Variants in MFSD12 observed in about 807,000 individuals in gnomAD.
The protein encoded by MFSD12 is major facilitator superfamily domain containing 12.
MFSD12 carries 67 observed loss-of-function variants against 51.2 expected under a neutral mutation model. The ratio of observed to expected loss-of-function variants is 1.31; its 90% CI spans 1.08 to 1.60. The LOEUF (loss-of-function observed/expected upper bound fraction) is 1.60, where lower values mean the gene tolerates loss of function less well. Among genes scored for constraint, MFSD12 ranks in the 40% most tolerant of loss-of-function variants. The probability of loss-of-function intolerance (pLI) is 0.00; values close to 1 mark genes in which losing one functional copy is unlikely to be tolerated. For synonymous variants in MFSD12, 441 were observed against 316.7 expected (o/e 1.39, Z -4.17); for missense variants, 921 against 673.0 (o/e 1.37, Z -4.08).
intron 1 of MFSD12, among the ~76,000 whole-genome samples, chr19:3,555,790 C>A (rs1599843042): frequency 1.3e-5 from 2 of 152,234 alleles, no homozygotes; most frequent in East Asian, 3.8e-4. Context: ...CCTGGCCCTG[C>A]CTGCTGAAAT....
downstream of MFSD12, chr19:3,543,665 C>T (rs754300947): frequency 2.4e-5 from 37 of 1,540,324 alleles, no homozygotes; most frequent in Admixed American, 7.9e-5. Flanking sequence ...CAGGCCAATC[C>T]GGGGCAAGGA....
chr19:3,544,450 G>A lies in MFSD12; in HGVS notation c.*260C>T. 1 of 1,342,620 alleles carries A rather than the reference G, an allele frequency of 7.4e-7. No homozygotes were observed. The highest frequency in any genetic ancestry group is 9.5e-7 in the Non-Finnish European group (1 of 1,049,420). The allele number at this position is 1,342,620 out of a possible 1,614,324, so 83.2% of individuals were successfully genotyped here. On this transcript the variant is annotated 3_prime_UTR_variant, in exon 10 of 10. Coordinates refer to ENST00000355415, the MANE Select transcript of MFSD12 (RefSeq NM_174983.5). Reference sequence around the variant, plus strand: ...TCCTACTTCCTGTTCCCTGCCGAGAGGGGCACCCCAAATCCTCCAGAGGGC... The same window carrying A: ...TCCTACTTCCTGTTCCCTGCCGAGAAGGGCACCCCAAATCCTCCAGAGGGC...
chr19:3,546,250 C>T lies in MFSD12; in HGVS notation c.1194+5G>A, dbSNP rs753036192. ...CCCCCACCCCAGCCTGGCTACCAGCCCTACCGTGTGGGGACCGATGAGGTC... is the reference window on the plus strand; with the variant it reads ...CCCCCACCCCAGCCTGGCTACCAGCTCTACCGTGTGGGGACCGATGAGGTC... On this transcript the variant is annotated splice_donor_5th_base_variant and intron_variant, in intron 7 of 9. Transcript: ENST00000355415. 6.2e-7 allele frequency: 1 copy of T among 1,609,562 alleles called. No individual in the cohort carries two copies. The highest frequency in any genetic ancestry group is 8.5e-7 in the Non-Finnish European group (1 of 1,178,024).
intron 1 of MFSD12, 121 bp downstream of exon 1, chr19:3,556,985 C>A (rs974453523): frequency 6.9e-5 from 69 of 993,196 alleles, no homozygotes; most frequent in Non-Finnish European, 8.6e-5. Flanking sequence ...GACAGACAGA[C>A]CGAGGGGAGA....
At chr19:3,539,449 A>G, downstream of MFSD12, 4 of 579,800 alleles carry the variant, frequency 6.9e-6, no homozygotes, top group South Asian at 8.4e-5. Context: ...TGTGGGGGCT[A>G]CAGACCTGGA....
At position 3,557,242 on chromosome 19, in the gene MFSD12, G is replaced by A. The variant is rs557295170; in HGVS notation, c.162C>T (p.Ser54=). The change falls in exon 1 of 10, where the codon AGC becomes AGT. Residue 54 remains serine (S), a synonymous_variant. Coordinates refer to ENST00000355415, the MANE Select transcript of MFSD12 (RefSeq NM_174983.5). ...LLYLHSVRAY[S]SRGAGLLLLL... is the part of the protein sequence containing the mutation. The stretch of plus-strand genomic sequence containing the variant: ...GCAGCAGCAGCCCCGCGCCGCGGGA[G>A]CTGTAGGCGCGCACCGAGTGCAGGT... The A allele has an allele frequency of 5.6e-6, 9 of 1,594,094 alleles. No individual in the cohort carries two copies. Among genetic ancestry groups the A allele is most frequent in the South Asian group, 1.1e-5 (1 of 87,976 alleles).
chr19:3,551,225 C>T lies in MFSD12; in HGVS notation c.299-31G>A. On this transcript the variant is annotated intron_variant, in intron 1 of 9. Transcript: ENST00000355415. This position sits in a 1 kb window ranked among gnomAD's most constrained non-coding sequence, Gnocchi z 4.6. ...GAAGGCAGAGTGGTCAGTCGCGGGG[C>T]TGTCCCGCACCAGCCAGGGCTCCCA... is the stretch of plus-strand genomic sequence containing the variant. 3 of 1,526,432 alleles carry T rather than the reference C, an allele frequency of 2.0e-6. No homozygotes were observed. Among genetic ancestry groups the T allele is most frequent in the Non-Finnish European group, 2.7e-6 (3 of 1,129,162 alleles). The allele number at this position is 1,526,432 out of a possible 1,614,324, so 94.6% of individuals were successfully genotyped here. A position where few individuals can be genotyped will look rare whatever the true frequency, so the allele number is the denominator to read the frequency against.
intron 8 of MFSD12, among the ~76,000 whole-genome samples, chr19:3,545,630 G>T (rs17674491): frequency 6.6e-6 from 1 of 152,074 alleles, no homozygotes; most frequent in Non-Finnish European, 1.5e-5. Flanking sequence ...CACCACCCAC[G>T]CCGGTACCAA....
rs143191867 is a variant in MFSD12, at chr19:3,551,694, C to T, written c.299-500G>A. The stretch of plus-strand genomic sequence containing the variant: ...AGCACCCGCCCCCACCTGAGATCTG[C>T]GGTGGCAAGGCCTGGCTCTTCACAT... On this transcript the variant is annotated intron_variant, in intron 1 of 9. Coordinates refer to ENST00000355415, the MANE Select transcript of MFSD12 (RefSeq NM_174983.5). This position sits in a 1 kb window ranked among gnomAD's most constrained non-coding sequence, Gnocchi z 4.6. 4.5e-3 allele frequency among the ~76,000 whole-genome samples: 691 copies of T among 152,264 alleles called. 5 individuals carry two copies. Among genetic ancestry groups the T allele is most frequent in the African/African-American group, 0.016 (654 of 41,552 alleles).
intron 4 of MFSD12, chr19:3,539,193 C>G: frequency 6.4e-7 from 1 of 1,550,502 alleles, no homozygotes; most frequent in East Asian, 2.4e-5. Context: ...AACCCTCAGG[C>G]AAGAGGCTGC....
At chr19:3,554,885 G>C (rs1302733591) in intron 1 of MFSD12, among the ~76,000 whole-genome samples, 1 of 152,184 alleles carries the variant, frequency 6.6e-6, no homozygotes, top group Non-Finnish European at 1.5e-5. Context: ...CAGGCATCAA[G>C]AGCGGCTGCC....
chr19:3,543,286 G>A (rs757526976), downstream of MFSD12: 3 of 1,548,190 alleles, frequency 1.9e-6, no homozygotes, highest in Non-Finnish European at 2.6e-6. Context: ...CCATCAGGCA[G>A]GCCACACGCT....
chr19:3,546,991 C>A (rs763085638), intron 6 of MFSD12, among the ~76,000 whole-genome samples: 1 of 152,304 alleles, frequency 6.6e-6, no homozygotes, highest in East Asian at 1.9e-4. Context: ...CCGCCACCAA[C>A]GCCCGGCTAA....
chr19:3,545,936 C>G, intron 8 of MFSD12, 138 bp downstream of exon 8: 1 of 830,440 alleles, frequency 1.2e-6, no homozygotes, highest in South Asian at 1.6e-5. Context: ...AAGGTCTCCC[C>G]TGCCTATGAC....
chr19:3,539,616 G>A (rs780861554), downstream of MFSD12: 2 of 253,636 alleles, frequency 7.9e-6, no homozygotes, highest in East Asian at 7.4e-5. Context: ...CTTGCAGCCC[G>A]TGGTGGCTCT....
chr19:3,546,697 C>T (rs1352206556), intron 6 of MFSD12, among the ~76,000 whole-genome samples: 2 of 152,252 alleles, frequency 1.3e-5, no homozygotes, highest in Admixed American at 6.5e-5. Flanking sequence ...ACGGACTCGG[C>T]TCAGTCCCCA....
chr19:3,552,872 G>A (rs1312858092), intron 1 of MFSD12, among the ~76,000 whole-genome samples: 1 of 152,092 alleles, frequency 6.6e-6, no homozygotes, highest in Non-Finnish European at 1.5e-5. Flanking sequence ...TTCCAGATGG[G>A]AAAATTGAGG....
At position 3,546,178 on chromosome 19, in the gene MFSD12, C is replaced by T. The variant is rs2031020799; in HGVS notation, c.1195-10G>A. ...CGAACGCTCCGCTGTTCTGTGGAGA[C>T]ACAGGCGAGGTGGTCAGCGTGCACC... On this transcript the variant is annotated splice_polypyrimidine_tract_variant and intron_variant, in intron 7 of 9. Transcript: ENST00000355415. 1 of 1,612,362 alleles carries T rather than the reference C, an allele frequency of 6.2e-7. No homozygotes were observed. Among genetic ancestry groups the T allele is most frequent in the Non-Finnish European group, 8.5e-7 (1 of 1,179,434 alleles).
At chr19:3,556,432 G>A (rs74461332) in intron 1 of MFSD12, among the ~76,000 whole-genome samples, 8,204 of 152,308 alleles carry the variant, frequency 0.054, 663 homozygotes, top group African/African-American at 0.17. Flanking sequence ...AGGCAGACAG[G>A]GGAGGCTGGA....
Sources: gnomAD v4.1 joint callset for allele counts (sites outside exome capture counted in the v4.1 genomes callset) on GRCh38, gnomAD v4.1.1 for gene constraint, Gnocchi (gnomAD v3.1) non-coding constraint, MANE v1.5 for transcripts, NCBI Gene and HGNC (gene_info 2026-07-23, HGNC 2026-07-21) for gene names.